Variants in CWC27 observed in about 807,000 individuals in gnomAD.
CWC27 encodes spliceosome-associated protein CWC27 homolog.
A neutral mutation model predicts 63.6 loss-of-function variants in CWC27; 47 were observed. The ratio of observed to expected loss-of-function variants is 0.74; its 90% confidence interval spans 0.58 to 0.94. CWC27 has a LOEUF of 0.94. CWC27 is among the 40% of genes least tolerant of loss of function. CWC27 has a pLI of 0.00. For synonymous variants in CWC27, 175 were observed against 179.8 expected, an observed-to-expected ratio of 0.97 and a Z score of 0.22; for missense variants, 495 against 554.3, an observed-to-expected ratio of 0.89 and a Z score of 1.07.
chr5:64,865,856 TTAAAA>T (rs1020824661), intron 10 of CWC27, among the ~76,000 whole-genome samples: 2 of 152,116 alleles, frequency 1.3e-5, no homozygotes, highest in Admixed American at 6.6e-5. Flanking sequence ...AATATTAATG[TTAAAA>T]TAACAGTACA....
intron 10 of CWC27, among the ~76,000 whole-genome samples, chr5:64,829,040 A>C (rs1745443156): frequency 6.6e-6 from 1 of 152,152 alleles, no homozygotes; most frequent in Non-Finnish European, 1.5e-5. Flanking sequence ...GATAATATCA[A>C]TGTACAAAAT....
chr5:65,005,546 A>C (rs1749826876), intron 13 of CWC27, among the ~76,000 whole-genome samples: 1 of 152,066 alleles, frequency 6.6e-6, no homozygotes. Flanking sequence ...GTGTGCAGAT[A>C]CCACTGGTGG....
chr5:64,881,640 T>C (rs1365309593), intron 10 of CWC27, among the ~76,000 whole-genome samples: 1 of 152,154 alleles, frequency 6.6e-6, no homozygotes, highest in Non-Finnish European at 1.5e-5. Flanking sequence ...GTTAAGTAAC[T>C]ATTCTCAGGT....
intron 7 of CWC27, among the ~76,000 whole-genome samples, chr5:64,799,509 C>T (rs1561412396): frequency 1.3e-5 from 2 of 150,992 alleles, no homozygotes; most frequent in African/African-American, 4.9e-5. Context: ...TCGCTTGAAC[C>T]CCGGAAGCGG....
chr5:64,972,040 C>T (rs1484955469), intron 12 of CWC27, among the ~76,000 whole-genome samples: 3 of 152,192 alleles, frequency 2.0e-5, no homozygotes, highest in Non-Finnish European at 4.4e-5. Flanking sequence ...CACGTTTCAA[C>T]CTGGTACTCC....
chr5:64,850,899 A>G (rs1326084899), intron 10 of CWC27, among the ~76,000 whole-genome samples: 1 of 152,062 alleles, frequency 6.6e-6, no homozygotes, highest in Non-Finnish European at 1.5e-5. Context: ...ATCAAAAAAA[A>G]GTAAAGTGTT....
At chr5:64,862,341 G>C (rs1746430972) in intron 10 of CWC27, among the ~76,000 whole-genome samples, 1 of 149,144 alleles carries the variant, frequency 6.7e-6, no homozygotes, top group Admixed American at 6.6e-5. Context: ...AGGCATATCA[G>C]GAAGTAAATA....
At chr5:64,816,959 T>A (rs1745050801) in intron 10 of CWC27, among the ~76,000 whole-genome samples, 2 of 152,104 alleles carry the variant, frequency 1.3e-5, no homozygotes, top group African/African-American at 4.8e-5. Flanking sequence ...ACAGAAGCAG[T>A]GAGAGAGAAC....
At chr5:64,994,464 A>T (rs1202589879) in intron 13 of CWC27, among the ~76,000 whole-genome samples, 1 of 152,198 alleles carries the variant, frequency 6.6e-6, no homozygotes, top group Non-Finnish European at 1.5e-5. Context: ...TATTTCCTGC[A>T]TCAGGTAGGC....
intron 11 of CWC27, among the ~76,000 whole-genome samples, chr5:64,947,325 G>A (rs925350263): frequency 3.3e-5 from 5 of 152,084 alleles, no homozygotes; most frequent in African/African-American, 1.2e-4. Context: ...CAGGCTAATA[G>A]CATTCTTATT....
intron 10 of CWC27, among the ~76,000 whole-genome samples, chr5:64,812,841 T>C (rs1744915757): frequency 6.6e-6 from 1 of 152,112 alleles, no homozygotes; most frequent in Non-Finnish European, 1.5e-5. Context: ...CAACAATTAA[T>C]TACAATTCAG....
At chr5:64,808,288 T>G (rs1744760378) in intron 10 of CWC27, 1 of 991,096 alleles carries the variant, frequency 1.0e-6, no homozygotes, top group Non-Finnish European at 1.2e-6. Context: ...TGAGTTCAAG[T>G]TTGTATCATG....
At chr5:64,978,818 T>G (rs1749279260) in intron 13 of CWC27, among the ~76,000 whole-genome samples, 1 of 152,212 alleles carries the variant, frequency 6.6e-6, no homozygotes, top group African/African-American at 2.4e-5. Context: ...AAGAGCAGTT[T>G]GATGCCCAAT....
At chr5:64,844,109 C>T (rs1381719567) in intron 10 of CWC27, among the ~76,000 whole-genome samples, 4 of 152,128 alleles carry the variant, frequency 2.6e-5, no homozygotes, top group Admixed American at 2.6e-4. Flanking sequence ...TCCCTTAAGT[C>T]AAGCACAACA....
intron 6 of CWC27, among the ~76,000 whole-genome samples, chr5:64,787,959 A>ATAGGCATTCAATACCTAT (rs1743942604): frequency 6.6e-6 from 1 of 152,166 alleles, no homozygotes; most frequent in Non-Finnish European, 1.5e-5. Context: ...ACCCAGTAGT[A>ATAGGCATTCAATACCTAT]TAGGCATTCA....
intron 1 of CWC27, among the ~76,000 whole-genome samples, chr5:64,774,324 T>C (rs1453492545): frequency 6.6e-6 from 1 of 152,138 alleles, no homozygotes; most frequent in East Asian, 1.9e-4. Flanking sequence ...TAAAACAAAT[T>C]TTCTTAGAGA....
chr5:64,889,791 G>A (rs1172923627), intron 11 of CWC27, among the ~76,000 whole-genome samples: 1 of 152,194 alleles, frequency 6.6e-6, no homozygotes, highest in Non-Finnish European at 1.5e-5. Context: ...ATGTACTGCA[G>A]GACAATCCTG....
intron 10 of CWC27, among the ~76,000 whole-genome samples, chr5:64,827,714 T>C (rs1337644050): frequency 1.3e-5 from 2 of 152,062 alleles, no homozygotes; most frequent in Admixed American, 6.6e-5. Flanking sequence ...TCTTTTTCTG[T>C]TTTCAAGATA....
intron 10 of CWC27, among the ~76,000 whole-genome samples, chr5:64,846,992 T>TAAAAAAA (rs1409566927): frequency 2.7e-5 from 1 of 37,146 alleles, no homozygotes. Context: ...AGACTCCATC[T>TAAAAAAA]CAAAAAAAAA....
Sources: allele counts gnomAD v4.1 joint callset (sites outside exome capture counted in the v4.1 genomes callset), GRCh38; gene constraint gnomAD v4.1.1; transcripts MANE v1.5; gene names NCBI Gene and HGNC (gene_info 2026-07-23, HGNC 2026-07-21).